The following PHC2 variants were observed in gnomAD, a reference collection of about 807,000 sequenced individuals.
The protein encoded by PHC2 is polyhomeotic-like protein 2.
PHC2 carries 29 observed loss-of-function variants against 87.4 expected under a neutral mutation model. The ratio of observed to expected loss-of-function variants is 0.33; its 90% CI spans 0.25 to 0.45. The LOEUF (loss-of-function observed/expected upper bound fraction) is 0.45, where lower values mean the gene tolerates loss of function less well. PHC2 is among the 20% of genes least tolerant of loss of function. PHC2 has a pLI of 1.00. For missense variants in PHC2, 857 were observed against 1,136.7 expected, an observed-to-expected ratio of 0.75 and a Z score of 3.54; for synonymous variants, 438 against 461.7, an observed-to-expected ratio of 0.95 and a Z score of 0.66.
At chr1:33,367,868 AATATCTTGTCT>A (rs992809705) in intron 6 of PHC2, among the ~76,000 whole-genome samples, 3 of 152,166 alleles carry the variant, frequency 2.0e-5, no homozygotes, top group Admixed American at 1.3e-4. Context: ...CCACCGGGCA[AATATCTTGTCT>A]CAGAATAAGG....
chr1:33,424,305 C>T lies in PHC2; in HGVS notation c.-55+6671G>A, dbSNP rs539875990. Among the ~76,000 whole-genome samples the T allele has an allele frequency of 7.2e-5, 11 of 152,228 alleles. No individual in the cohort carries two copies. The South Asian group carries it at 2.3e-3, about 32-fold the overall frequency. ...TTACTCCTCAAGTCTCTTGAAAAGT[C>T]TAAAGCCACCTTTATCTGTACCCAT... On this transcript the variant is annotated intron_variant, in intron 1 of 14. Transcript: ENST00000683057.
chr1:33,378,195 A>G (rs926346181), intron 1 of PHC2, among the ~76,000 whole-genome samples: 1 of 152,200 alleles, frequency 6.6e-6, no homozygotes, highest in East Asian at 1.9e-4. Flanking sequence ...AGTACTTCCT[A>G]TGTCTTGGCG....
chr1:33,334,131 T>TA lies in PHC2; in HGVS notation c.1719dup (p.Ile574TyrfsTer36). 6.2e-7 allele frequency: 1 copy of TA among 1,613,870 alleles called. No individual in the cohort carries two copies. The highest frequency in any genetic ancestry group is 8.5e-7 in the Non-Finnish European group (1 of 1,179,898). On this transcript the variant is annotated frameshift_variant, in exon 10 of 15. Coordinates refer to ENST00000683057, the MANE Select transcript of PHC2 (RefSeq NM_001385109.1). LOFTEE classifies it high-confidence loss of function. The surrounding 1 kb of genome is among the most constrained non-coding windows in gnomAD (Gnocchi z 5.5). ...CCCTCCTGGATCACAAACCCTTCGA[T>TA]AACATGCGTCAGGATTTGGGGTTTC...
At chr1:33,367,030 T>A in intron 7 of PHC2, 86 bp downstream of exon 7, 1 of 1,195,596 alleles carries the variant, frequency 8.4e-7, no homozygotes. Flanking sequence ...TGCAAATCCA[T>A]GGGAAAAAGG....
At chr1:33,380,373 ATTCT>A (rs1241223142) in intron 1 of PHC2, among the ~76,000 whole-genome samples, 1 of 152,138 alleles carries the variant, frequency 6.6e-6, no homozygotes, top group African/African-American at 2.4e-5. Flanking sequence ...ATCTACTTTC[ATTCT>A]CTATGAATTT....
intron 8 of PHC2, 64 bp from the exon 9 acceptor site, chr1:33,354,630 C>A: frequency 6.6e-7 from 1 of 1,510,698 alleles, no homozygotes; most frequent in Non-Finnish European, 9.0e-7. Flanking sequence ...TTGGATACTT[C>A]CCTGGTTTCC....
At chr1:33,350,927 A>C (rs1425458280) in intron 9 of PHC2, among the ~76,000 whole-genome samples, 1 of 152,116 alleles carries the variant, frequency 6.6e-6, no homozygotes, top group Non-Finnish European at 1.5e-5. Flanking sequence ...TTGTATCCTC[A>C]ACTCCTGTTC....
intron 1 of PHC2, among the ~76,000 whole-genome samples, chr1:33,387,771 C>T (rs1268576699): frequency 1.3e-5 from 2 of 152,210 alleles, no homozygotes; most frequent in Non-Finnish European, 2.9e-5. Context: ...CCGATCCAGG[C>T]CTCTCTGGGC....
chr1:33,356,606 G>A (rs936455818), intron 7 of PHC2, among the ~76,000 whole-genome samples: 7 of 151,948 alleles, frequency 4.6e-5, no homozygotes, highest in Admixed American at 1.3e-4. Context: ...CACGGGGTTG[G>A]GGGTAAGGTT....
At chr1:33,409,876 T>C (rs7525843) in intron 1 of PHC2, among the ~76,000 whole-genome samples, 31,899 of 152,168 alleles carry the variant, frequency 0.21, 5,670 homozygotes, top group African/African-American at 0.49. Flanking sequence ...TTTTCTACCA[T>C]TTTAAACTAT....
chr1:33,421,525 G>C (rs1380921442), intron 1 of PHC2, among the ~76,000 whole-genome samples: 1 of 152,188 alleles, frequency 6.6e-6, no homozygotes, highest in Non-Finnish European at 1.5e-5. Flanking sequence ...ATGTCATGAG[G>C]AGTACAGACA....
intron 1 of PHC2, among the ~76,000 whole-genome samples, chr1:33,379,819 G>A (rs1328393961): frequency 2.0e-5 from 3 of 148,448 alleles, no homozygotes; most frequent in African/African-American, 5.0e-5. Context: ...TCCCCTACTC[G>A]ACCTTCTTGC....
chr1:33,355,200 G>C lies in PHC2; in HGVS notation c.1030C>G (p.Leu344Val). Residue 344 changes from leucine to valine, a missense_variant, in exon 8 of 15, where the codon CTG becomes GTG. By Grantham distance (32) the Leu-to-Val change is conservative. This residue lies in a region of PHC2 where 832 missense variants were observed against 1,081.8 expected (regional missense o/e 0.77). Coordinates refer to ENST00000683057, the MANE Select transcript of PHC2 (RefSeq NM_001385109.1). ...QLLPQPSSKH[L>V]QPQFVIQQQP... ...TGCTGGATCACAAATTGGGGCTGCA[G>C]GTGCTTTGAGGATGGCTGTGGGAGG... 1 of 1,603,806 alleles carries C rather than the reference G, an allele frequency of 6.2e-7. No homozygotes were observed. The highest frequency in any genetic ancestry group is 8.5e-7 in the Non-Finnish European group (1 of 1,174,610).
At chr1:33,346,647 A>G (rs1646850311) in intron 9 of PHC2, 7 of 985,414 alleles carry the variant, frequency 7.1e-6, no homozygotes, top group Non-Finnish European at 8.4e-6. Flanking sequence ...CCTATTCCCT[A>G]GGTTTTTTAA....
At position 33,364,390 on chromosome 1, in the gene PHC2, TCA is replaced by T. The variant is rs34468965; in HGVS notation, c.976+2724_976+2725del. Among the ~76,000 whole-genome samples the T allele has an allele frequency of 0.019, 2,026 of 106,544 alleles. 17 individuals are homozygous for T. Among genetic ancestry groups the T allele is most frequent in the African/African-American group, 0.028 (589 of 20,762 alleles). The allele number at this position is 106,544 out of a possible 152,430, so 69.9% of individuals were successfully genotyped here. A position where few individuals can be genotyped will look rare whatever the true frequency, so the allele number is the denominator to read the frequency against. On this transcript the variant is annotated intron_variant, in intron 7 of 14. Transcript: ENST00000683057. This position sits in a 1 kb window ranked among gnomAD's most constrained non-coding sequence, Gnocchi z 4.1. ...CACACACACACACACACACTTGCTT[TCA>T]CACACACACACACACACACACACAC...
intron 7 of PHC2, among the ~76,000 whole-genome samples, chr1:33,356,943 G>A (rs576877242): frequency 3.3e-5 from 5 of 152,180 alleles, no homozygotes; most frequent in East Asian, 1.9e-4. Flanking sequence ...CCTCCCGGAC[G>A]GGGCGAAAAT....
At chr1:33,380,496 T>C (rs567861512) in intron 1 of PHC2, among the ~76,000 whole-genome samples, 3 of 152,378 alleles carry the variant, frequency 2.0e-5, no homozygotes, top group East Asian at 1.9e-4. Context: ...TGTTGTAGCA[T>C]GTATGAGAAT....
chr1:33,394,762 G>A (rs192069172), intron 1 of PHC2, among the ~76,000 whole-genome samples: 1 of 152,100 alleles, frequency 6.6e-6, no homozygotes, highest in East Asian at 1.9e-4. Flanking sequence ...TAGAGATGGC[G>A]TCTTGCTTTC....
chr1:33,381,904 G>A (rs932016329), intron 1 of PHC2, among the ~76,000 whole-genome samples: 4 of 151,918 alleles, frequency 2.6e-5, no homozygotes, highest in African/African-American at 4.8e-5. Context: ...ATGCAAGAAC[G>A]GAGACCCAGT....
Sources: allele counts gnomAD v4.1 joint callset (sites outside exome capture counted in the v4.1 genomes callset), GRCh38; gene constraint gnomAD v4.1.1; regional missense constraint gnomAD v4.1.1; non-coding constraint Gnocchi (gnomAD v3.1); transcripts MANE v1.5; gene names NCBI Gene and HGNC (gene_info 2026-07-23, HGNC 2026-07-21).